Variants in ATP13A2 observed in about 807,000 individuals in gnomAD.
ATP13A2 encodes the protein polyamine-transporting ATPase 13A2.
Under a neutral mutation model 138.3 loss-of-function variants are expected in ATP13A2, and 83 were observed. The ratio of observed to expected loss-of-function variants is 0.60; its 90% CI spans 0.50 to 0.72. The LOEUF is 0.72. ATP13A2 is among the 30% of genes least tolerant of loss of function. The pLI, the probability that ATP13A2 is intolerant of heterozygous loss-of-function variation, is 0.00. For synonymous variants in ATP13A2, 663 were observed against 699.0 expected, an observed-to-expected ratio of 0.95 and a Z score of 0.81; for missense variants, 1,402 against 1,606.4, an observed-to-expected ratio of 0.87 and a Z score of 2.17.
Position 16,986,527 on chromosome 1 carries a change from G to T in ATP13A2, c.3341C>A (p.Thr1114Asn). The T allele has an allele frequency of 6.2e-7, 1 of 1,612,692 alleles. No individual in the cohort carries two copies. Among genetic ancestry groups the T allele is most frequent in the Admixed American group, 1.7e-5 (1 of 60,020 alleles). The change falls in exon 28 of 29, where the codon ACC becomes AAC. Residue 1114 changes from threonine (T) to asparagine (N), a missense_variant. Thr to Asn is a moderately conservative substitution (Grantham distance 65). Transcript: ENST00000326735. This position sits in a 1 kb window ranked among gnomAD's most constrained non-coding sequence, Gnocchi z 6.9. Reference sequence around the variant, plus strand: ...ACCCAGCAGCAGCAGCTTGAAGCCGGTGTCAGTGATGTTCCTCAGCGCCAG... The same window carrying T: ...ACCCAGCAGCAGCAGCTTGAAGCCGTTGTCAGTGATGTTCCTCAGCGCCAG... The part of the protein sequence containing the change: ...GPLALRNITD[T>N]GFKLLLLGLV...
rs748008674 is a variant in ATP13A2, at chr1:16,993,695, G to A, written c.1683C>T (p.Leu561=). The change falls in exon 16 of 29, where the codon CTC becomes CTT. Residue 561 remains leucine (L), a synonymous_variant. Transcript: ENST00000326735. The stretch of plus-strand genomic sequence containing the variant: ...CCACGGGGGTGTCCTGGAGCCGGCT[G>A]AGGGCATGGCAGGTGGCCAGTGCTC... ...LLRALATCHA[L]SRLQDTPVGD... The A allele has an allele frequency of 1.6e-5, 25 of 1,597,054 alleles. No individual in the cohort carries two copies. Among genetic ancestry groups the A allele is most frequent in the South Asian group, 5.7e-5 (5 of 88,180 alleles).
chr1:17,010,858 G>C (rs1407217658), intron 1 of ATP13A2, among the ~76,000 whole-genome samples: 1 of 152,192 alleles, frequency 6.6e-6, no homozygotes, highest in Non-Finnish European at 1.5e-5. Flanking sequence ...CAGCGGCCCA[G>C]GGCGGCTGCC....
chr1:16,996,350 G>T (rs750974506), intron 13 of ATP13A2, 36 bp downstream of exon 13: 23 of 1,613,572 alleles, frequency 1.4e-5, no homozygotes, highest in South Asian at 4.4e-5. Context: ...AGGTGGGGGG[G>T]GCTATGGGCA....
chr1:17,004,801 G>T lies in ATP13A2; in HGVS notation c.368C>A (p.Ser123Tyr), dbSNP rs745369883. ...CTGGCTCCGGCCATCCTCTGCCTGG[G>T]ACTGTGGGGACGGCTCCAGGCTGGG... ...GEGSLEPSPQ[S>Y]QAEDGRSQAA... The change falls in exon 5 of 29, where the codon TCC becomes TAC. Residue 123 changes from serine to tyrosine, a missense_variant. Ser to Tyr is a moderately radical substitution (Grantham distance 144). Transcript: ENST00000326735. The surrounding 1 kb of genome is among the most constrained non-coding windows in gnomAD (Gnocchi z 4.1). 6.8e-6 allele frequency: 11 copies of T among 1,613,820 alleles called. No homozygotes were observed.
At position 17,000,611 on chromosome 1, in the gene ATP13A2, C is replaced by T; in HGVS notation, c.706-77G>A. On this transcript the variant is annotated intron_variant, in intron 8 of 28. Coordinates refer to ENST00000326735, the MANE Select transcript of ATP13A2 (RefSeq NM_022089.4). ...AGCCACAGGCTGGGTCTCCTGTGCC[C>T]ATGGGAGCAGAGGGCCCAGTGGCTG... 2.6e-6 allele frequency: 4 copies of T among 1,557,192 alleles called. No homozygotes were observed. The South Asian group carries it at 3.5e-5, about 14-fold the overall frequency.
In ATP13A2 at chr1:17,002,281, C is replaced by T. The variant is rs563778719; in HGVS notation, c.635+15G>A. 4.5e-5 allele frequency: 73 copies of T among 1,612,588 alleles called. 1 individual carries two copies. In the East Asian group the frequency reaches 1.6e-3, roughly 36 times the overall value. The stretch of plus-strand genomic sequence containing the variant: ...CCCCAGTTCTCAGGGCACCCCGGTC[C>T]AGGGCAGCACTGACCTCACCATTTG... On this transcript the variant is annotated intron_variant, in intron 7 of 28. Transcript: ENST00000326735.
chr1:17,008,619 T>A (rs779500367), intron 1 of ATP13A2, among the ~76,000 whole-genome samples: 1 of 152,002 alleles, frequency 6.6e-6, no homozygotes, highest in Non-Finnish European at 1.5e-5. Flanking sequence ...GTCCCACGGC[T>A]CCCTAGGCCC....
At chr1:16,992,434 G>A in intron 17 of ATP13A2, 32 bp from the exon 18 acceptor site, 1 of 1,613,514 alleles carries the variant, frequency 6.2e-7, no homozygotes, top group Non-Finnish European at 8.5e-7. Context: ...TGAGGTGCTG[G>A]CTGGGGAGCC....
rs115999808 is a variant in ATP13A2, at chr1:16,997,507, A to G, written c.1040-332T>C. Among the ~76,000 whole-genome samples the G allele has an allele frequency of 8.7e-3, 1,272 of 146,042 alleles. 10 individuals carry two copies. Among genetic ancestry groups the G allele is most frequent in the Non-Finnish European group, 0.013 (852 of 67,594 alleles). ...GTTCTCTTTCTGCTGGAATTATTTT[A>G]TAACATGCATGGAGTGCTTTTCTAA... is the stretch of plus-strand genomic sequence containing the variant. On this transcript the variant is annotated intron_variant, in intron 11 of 28. Coordinates refer to ENST00000326735, the MANE Select transcript of ATP13A2 (RefSeq NM_022089.4).
Position 17,008,975 on chromosome 1 carries a change from C to T in ATP13A2, c.10+2754G>A, listed in dbSNP as rs2077674617. ...CAAGACTCAAAAAAAAAAAAAAAAACCCTCAGGCCAACAGCCCAGCGGGCT... is the reference window on the plus strand; with the variant it reads ...CAAGACTCAAAAAAAAAAAAAAAAATCCTCAGGCCAACAGCCCAGCGGGCT... On this transcript the variant is annotated intron_variant, in intron 1 of 28. Transcript: ENST00000326735. 2.1e-5 allele frequency among the ~76,000 whole-genome samples: 3 copies of T among 141,344 alleles called. No individual in the cohort carries two copies. The South Asian group carries it at 7.0e-4, about 33-fold the overall frequency. 92.7% of individuals were successfully genotyped at this position (141,344 alleles called of 152,430 possible).
At chr1:17,010,171 A>C (rs901875396) in intron 1 of ATP13A2, among the ~76,000 whole-genome samples, 1 of 115,634 alleles carries the variant, frequency 8.6e-6, no homozygotes, top group African/African-American at 3.4e-5. Context: ...TCCACCTCCC[A>C]GGTTCAAGCA....
In ATP13A2 at chr1:16,990,224, T is replaced by C; in HGVS notation, c.2315A>G (p.His772Arg). The C allele has an allele frequency of 1.2e-6, 2 of 1,613,948 alleles. No individual in the cohort carries two copies. The highest frequency in any genetic ancestry group is 8.5e-7 in the Non-Finnish European group (1 of 1,180,004). The change falls in exon 21 of 29, where the codon CAT (histidine) becomes CGT (arginine). Residue 772 changes from histidine to arginine, a missense_variant. Coordinates refer to ENST00000326735, the MANE Select transcript of ATP13A2 (RefSeq NM_022089.4). ...GTGGGTGGCGTGGACGATGATCAGA[T>C]GCTCCTGGGGGGCCACCATGCCACA... ...RGCGMVAPQE[H>R]LIIVHATHPE... is the part of the protein sequence containing the mutation.
rs1557713017 is a variant in ATP13A2 at position 17,004,548 on chromosome 1, A to C, written c.478-137T>G. On this transcript the variant is annotated intron_variant, in intron 5 of 28. Transcript: ENST00000326735. This position sits in a 1 kb window ranked among gnomAD's most constrained non-coding sequence, Gnocchi z 4.1. Reference sequence around the variant, plus strand: ...GACAGAGAGGTGGGGAGAGGCCTGAAAGTGTAAACGTGCTCAGACAGCATC... The same window carrying C: ...GACAGAGAGGTGGGGAGAGGCCTGACAGTGTAAACGTGCTCAGACAGCATC... The C allele has an allele frequency of 6.4e-7, 1 of 1,558,818 alleles. No individual in the cohort carries two copies. Among genetic ancestry groups the C allele is most frequent in the Admixed American group, 1.8e-5 (1 of 54,868 alleles).
chr1:16,997,198 G>A (rs958705060), intron 11 of ATP13A2, 23 bp from the exon 12 acceptor site: 5 of 1,612,968 alleles, frequency 3.1e-6, no homozygotes, highest in Non-Finnish European at 4.2e-6. Context: ...GTGGTGTGAG[G>A]ACCACTCCAC....
chr1:17,005,348 A>T, intron 3 of ATP13A2, 26 bp downstream of exon 3: 3 of 1,574,462 alleles, frequency 1.9e-6, no homozygotes, highest in Non-Finnish European at 2.6e-6. Context: ...GCGCTTCTCT[A>T]GCCCCAGGCT....
At chr1:16,989,377 T>C (rs1570775661) in intron 23 of ATP13A2, among the ~76,000 whole-genome samples, 1 of 152,188 alleles carries the variant, frequency 6.6e-6, no homozygotes, top group Non-Finnish European at 1.5e-5. Context: ...ACCTGGCTAA[T>C]TTTTAAATTT....
chr1:17,005,586 C>G, intron 2 of ATP13A2, 30 bp from the exon 3 acceptor site: 3 of 1,614,086 alleles, frequency 1.9e-6, no homozygotes, highest in Non-Finnish European at 2.5e-6. Context: ...GGGCCCAGGT[C>G]GGGGTGGGAA....
rs1017806715 is a variant in ATP13A2, at chr1:16,990,211, G to A, written c.2328C>T (p.Val776=). The change falls in exon 21 of 29, where the codon GTC becomes GTT. Residue 776 remains valine, a synonymous_variant. Transcript: ENST00000326735. ...GACCCCGCTCAGGGTGGGTGGCGTG[G>A]ACGATGATCAGATGCTCCTGGGGGG... is the stretch of plus-strand genomic sequence containing the variant. ...MVAPQEHLII[V]HATHPERGQP... The A allele has an allele frequency of 6.2e-7, 1 of 1,613,888 alleles. No individual in the cohort carries two copies. The highest frequency in any genetic ancestry group is 1.3e-5 in the African/African-American group (1 of 74,932).
chr1:16,997,161 C>T lies in ATP13A2; in HGVS notation c.1054G>A (p.Val352Met), dbSNP rs1351522120. ...CCCTCCGGCAGTGCCGTCTTCAGCA[C>T]TGGAATGCTCTCTCCTGGTGGGGAA... ...ESSLTGESIPVLKTALPEGLG... is the reference protein window; with the variant it reads ...ESSLTGESIPMLKTALPEGLG... Residue 352 changes from valine to methionine, a missense_variant, in exon 12 of 29, where the codon GTG becomes ATG. Coordinates refer to ENST00000326735, the MANE Select transcript of ATP13A2 (RefSeq NM_022089.4). 3 of 1,613,458 alleles carry T rather than the reference C, an allele frequency of 1.9e-6. No homozygotes were observed. In the African/African-American group the frequency reaches 4.0e-5, roughly 22 times the overall value.
Sources: allele counts gnomAD v4.1 joint callset (sites outside exome capture counted in the v4.1 genomes callset), GRCh38; gene constraint gnomAD v4.1.1; non-coding constraint Gnocchi (gnomAD v3.1); transcripts MANE v1.5; gene names NCBI Gene and HGNC (gene_info 2026-07-23, HGNC 2026-07-21).